TMEM185A: variants seen among roughly 807,000 people sequenced by gnomAD.
The protein encoded by TMEM185A is transmembrane protein 185A.
TMEM185A carries 9 observed loss-of-function variants against 25.0 expected under a neutral mutation model. That is an observed-to-expected ratio of 0.36 (90% CI 0.22 to 0.63). The LOEUF (loss-of-function observed/expected upper bound fraction) is 0.63, where lower values mean the gene tolerates loss of function less well. Among genes scored for constraint, TMEM185A ranks in the 20% least tolerant of loss-of-function variants. TMEM185A has a pLI of 0.68. For synonymous variants in TMEM185A, 45 were observed against 93.5 expected (o/e 0.48, Z 2.99); for missense variants, 103 against 237.4 (o/e 0.43, Z 3.72).
chrX:149,612,448 C>G (rs1418758832), intron 1 of TMEM185A, among the ~76,000 whole-genome samples: 1 of 111,749 alleles, frequency 8.9e-6, no homozygotes, highest in Non-Finnish European at 1.9e-5. Flanking sequence ...TGTAAGAATC[C>G]CACTTTATCT....
At chrX:149,631,034 G>C (rs1557356553) in intron 1 of TMEM185A, among the ~76,000 whole-genome samples, 1 of 111,032 alleles carries the variant, frequency 9.0e-6, no homozygotes, top group African/African-American at 3.3e-5. Flanking sequence ...GGATTCAACA[G>C]TGTTTCAGGT....
chrX:149,603,753 C>T (rs1212637014), intron 4 of TMEM185A: 2 of 282,488 alleles, frequency 7.1e-6, no homozygotes, highest in African/African-American at 5.5e-5. Context: ...GTTTATGATA[C>T]AACATTAAAA....
At chrX:149,611,841 G>A (rs782512407) in intron 1 of TMEM185A, among the ~76,000 whole-genome samples, 37 of 111,700 alleles carry the variant, frequency 3.3e-4, no homozygotes, top group Non-Finnish European at 5.5e-4. Flanking sequence ...AGGCAGGAAA[G>A]CAAGTGAGAT....
chrX:149,610,859 C>T (rs782573489), intron 2 of TMEM185A, among the ~76,000 whole-genome samples: 2 of 112,342 alleles, frequency 1.8e-5, no homozygotes, highest in African/African-American at 6.5e-5. Flanking sequence ...ACCTCCCCTA[C>T]ACTGCTAATA....
intron 1 of TMEM185A, among the ~76,000 whole-genome samples, chrX:149,625,187 C>G (rs149712600): frequency 0.012 from 1,393 of 111,773 alleles, 21 homozygotes; most frequent in African/African-American, 0.043. Context: ...TTAGAAAACT[C>G]AAGCTCCATA....
At chrX:149,610,622 C>T (rs1236224108) in intron 2 of TMEM185A, among the ~76,000 whole-genome samples, 4 of 110,162 alleles carry the variant, frequency 3.6e-5, no homozygotes, top group Non-Finnish European at 7.6e-5. Flanking sequence ...AAGGGAAAGA[C>T]TCTCGCAGGT....
chrX:149,631,482 C>T (rs2090192094), intron 1 of TMEM185A, 61 bp downstream of exon 1: 1 of 1,120,331 alleles, frequency 8.9e-7, no homozygotes, highest in Admixed American at 2.9e-5. Flanking sequence ...CGGAGCCGAA[C>T]ACCAGCCCGC....
chrX:149,604,755 C>T (rs1327005607), intron 3 of TMEM185A, among the ~76,000 whole-genome samples: 1 of 111,439 alleles, frequency 9.0e-6, no homozygotes, highest in South Asian at 3.8e-4. Flanking sequence ...GCCTCCACCC[C>T]CATGACCACC....
At chrX:149,605,921 T>TAGG in intron 3 of TMEM185A, among the ~76,000 whole-genome samples, 1 of 111,926 alleles carries the variant, frequency 8.9e-6, no homozygotes, top group East Asian at 2.8e-4. Context: ...TCTCAGTACA[T>TAGG]AGGTACATGG....
intron 1 of TMEM185A, among the ~76,000 whole-genome samples, chrX:149,616,579 G>A (rs1557355062): frequency 9.0e-6 from 1 of 111,640 alleles, no homozygotes. Context: ...CTCTTTTAAG[G>A]GAACCTGTGA....
intron 1 of TMEM185A, among the ~76,000 whole-genome samples, chrX:149,625,185 C>T (rs2090157923): frequency 8.9e-6 from 1 of 111,791 alleles, no homozygotes; most frequent in Non-Finnish European, 1.9e-5. Context: ...GATTAGAAAA[C>T]TCAAGCTCCA....
chrX:149,605,478 T>C (rs1366888753), intron 3 of TMEM185A, among the ~76,000 whole-genome samples: 1 of 100,388 alleles, frequency 1.0e-5, no homozygotes, highest in Non-Finnish European at 2.0e-5. Flanking sequence ...CCCTTGTCAC[T>C]TTCTATGGCC....
chrX:149,596,915 C>T lies in TMEM185A; in HGVS notation c.*1096G>A, dbSNP rs1407828238. The T allele has an allele frequency of 4.6e-5, 5 of 108,248 alleles. No homozygotes were observed. The highest frequency in any genetic ancestry group is 1.9e-5 in the Non-Finnish European group (1 of 51,913). The allele number at this position is 108,248 out of a possible 1,213,427, so 8.9% of individuals were successfully genotyped here. A position where few individuals can be genotyped will look rare whatever the true frequency, so the allele number is the denominator to read the frequency against. On this transcript the variant is annotated 3_prime_UTR_variant, in exon 7 of 7. Coordinates refer to ENST00000600449, the MANE Select transcript of TMEM185A (RefSeq NM_032508.4). ...GTGGAACCTGCAGTGCTTGGAGAAACGGCACGCACACGTGAAAACATCATG... is the reference window on the plus strand; with the variant it reads ...GTGGAACCTGCAGTGCTTGGAGAAATGGCACGCACACGTGAAAACATCATG...
chrX:149,624,967 T>A (rs1239741801), intron 1 of TMEM185A, among the ~76,000 whole-genome samples: 3 of 112,118 alleles, frequency 2.7e-5, no homozygotes, highest in African/African-American at 9.7e-5. Context: ...AATGATACAT[T>A]TTACCCATTC....
chrX:149,616,363 T>C (rs1221932825), intron 1 of TMEM185A, among the ~76,000 whole-genome samples: 1 of 112,061 alleles, frequency 8.9e-6, no homozygotes, highest in Non-Finnish European at 1.9e-5. Context: ...AAAAAGGGTT[T>C]CACTGGGCTA....
At chrX:149,614,106 C>T (rs1569561007) in intron 1 of TMEM185A, among the ~76,000 whole-genome samples, 1 of 111,424 alleles carries the variant, frequency 9.0e-6, no homozygotes, top group Non-Finnish European at 1.9e-5. Context: ...TGAGTTCCTC[C>T]CAACAAAAGC....
Sources: allele counts gnomAD v4.1 joint callset (sites outside exome capture counted in the v4.1 genomes callset), GRCh38; gene constraint gnomAD v4.1.1; transcripts MANE v1.5; gene names NCBI Gene and HGNC (gene_info 2026-07-23, HGNC 2026-07-21).